GK5: variants seen among roughly 807,000 people sequenced by gnomAD.
The protein encoded by GK5 is glycerol kinase 5, also known as ATP:glycerol 3-phosphotransferase 5.
Under a neutral mutation model 77.3 loss-of-function variants are expected in GK5, and 39 were observed. The observed-to-expected ratio is 0.50, with a 90% CI of 0.39 to 0.66. GK5 has a LOEUF of 0.66. Ranked by LOEUF, GK5 falls within the 30% of genes least tolerant of loss-of-function variation. GK5 has a pLI of 0.00. For missense variants in GK5, 487 were observed against 633.8 expected, an observed-to-expected ratio of 0.77 and a Z score of 2.49; for synonymous variants, 211 against 208.0, an observed-to-expected ratio of 1.01 and a Z score of -0.13.
Position 142,170,425 on chromosome 3 carries a change from G to T in GK5, c.1341C>A (p.Val447=), listed in dbSNP as rs1250307340. ...TAATCAGGTCTGAAGTCATCTGCAT[G>T]ACAAAACCATTCTTACAAACTCCTC... The part of the protein sequence containing the change: ...ADGGVCKNGF[V]MQMTSDLINE... Residue 447 remains valine (V), a synonymous_variant, in exon 15 of 16, where the codon GTC becomes GTA. Coordinates refer to ENST00000392993, the MANE Select transcript of GK5 (RefSeq NM_001039547.3). 6.2e-7 allele frequency: 1 copy of T among 1,613,414 alleles called. No homozygotes were observed. Among genetic ancestry groups the T allele is most frequent in the African/African-American group, 1.3e-5 (1 of 74,922 alleles).
intron 3 of GK5, among the ~76,000 whole-genome samples, chr3:142,211,394 T>C (rs985251649): frequency 7.2e-5 from 11 of 152,232 alleles, no homozygotes; most frequent in African/African-American, 2.7e-4. Flanking sequence ...CTGTATAAGA[T>C]TTATTTAAGA....
At chr3:142,214,127 A>T (rs2064238160) in intron 2 of GK5, among the ~76,000 whole-genome samples, 1 of 152,204 alleles carries the variant, frequency 6.6e-6, no homozygotes, top group Admixed American at 6.5e-5. Context: ...CCCGGCCTTA[A>T]AGGTTGTTTC....
At chr3:142,177,961 CG>C (rs1359843230) in intron 11 of GK5, among the ~76,000 whole-genome samples, 2 of 150,498 alleles carry the variant, frequency 1.3e-5, no homozygotes, top group African/African-American at 4.9e-5. Flanking sequence ...CAGGTTCAAA[CG>C]ATTCTCCTGC....
rs1462870411 is a variant in GK5, at chr3:142,225,562, C to T, written c.-107G>A. On this transcript the variant is annotated 5_prime_UTR_variant, in exon 1 of 16. Transcript: ENST00000392993. ...GCCCAACCCGGGCCCCAACCCGGCT[C>T]AGCCGGAGAGCCTAGAGAGGCCTGG... is the stretch of plus-strand genomic sequence containing the variant. 1.4e-5 allele frequency: 20 copies of T among 1,404,088 alleles called. No individual in the cohort carries two copies. The highest frequency in any genetic ancestry group is 1.8e-5 in the Non-Finnish European group (19 of 1,052,026). 87.0% of individuals were successfully genotyped at this position (1,404,088 alleles called of 1,614,324 possible).
intron 12 of GK5, among the ~76,000 whole-genome samples, chr3:142,175,250 G>T (rs1161821389): frequency 6.6e-6 from 1 of 152,130 alleles, no homozygotes; most frequent in Non-Finnish European, 1.5e-5. Context: ...CCCTGCTAGA[G>T]GAAAGCCATA....
At chr3:142,199,072 TA>T (rs1388920094) in intron 4 of GK5, 139 bp from the exon 5 acceptor site, 3 of 554,372 alleles carry the variant, frequency 5.4e-6, no homozygotes, top group Non-Finnish European at 9.0e-6. Flanking sequence ...ATTAAGAAAA[TA>T]AAAAACAGCA....
chr3:142,222,197 C>T lies in GK5; in HGVS notation c.147+3112G>A, dbSNP rs2064358339. Among the ~76,000 whole-genome samples the T allele has an allele frequency of 3.9e-5, 6 of 152,164 alleles. No individual in the cohort carries two copies. The South Asian group carries it at 1.2e-3, about 32-fold the overall frequency. Reference sequence around the variant, plus strand: ...CCAGGTACTAAGCAGCAATGTAGACCAACAAGATCCTTGTTCCCAAAAAAC... The same window carrying T: ...CCAGGTACTAAGCAGCAATGTAGACTAACAAGATCCTTGTTCCCAAAAAAC... On this transcript the variant is annotated intron_variant, in intron 1 of 15. Coordinates refer to ENST00000392993, the MANE Select transcript of GK5 (RefSeq NM_001039547.3).
chr3:142,172,427 G>C lies in GK5; in HGVS notation c.1173C>G (p.Ala391=). The change falls in exon 13 of 16, where the codon GCC becomes GCG. Residue 391 remains alanine (A), a synonymous_variant. Coordinates refer to ENST00000392993, the MANE Select transcript of GK5 (RefSeq NM_001039547.3). ...TAGAAGGCTTCAAACCCATAAAAGA[G>C]GCACATGCCCAGGGGTCATTTAATG... ...QAPLNDPWAC[A]SFMGLKPSTS... 1 of 1,602,828 alleles carries C rather than the reference G, an allele frequency of 6.2e-7. No homozygotes were observed. The highest frequency in any genetic ancestry group is 8.5e-7 in the Non-Finnish European group (1 of 1,172,154).
chr3:142,183,053 C>G lies in GK5; in HGVS notation c.817-4G>C, dbSNP rs371041399. 42 of 1,613,140 alleles carry G rather than the reference C, an allele frequency of 2.6e-5. No individual in the cohort carries two copies. The African/African-American group carries it at 5.5e-4, about 21-fold the overall frequency. ...TGGCTGATTGCTGGTCAGCAACCTA[C>G]CAAAAATGTTCAAATGTAAACCCAT... On this transcript the variant is annotated splice_polypyrimidine_tract_variant and splice_region_variant and intron_variant, in intron 9 of 15. Coordinates refer to ENST00000392993, the MANE Select transcript of GK5 (RefSeq NM_001039547.3).
intron 9 of GK5, chr3:142,185,638 G>A (rs920439099): frequency 2.4e-5 from 29 of 1,186,848 alleles, no homozygotes; most frequent in Non-Finnish European, 3.0e-5. Context: ...ATACCACTCA[G>A]AATTAAAAAA....
chr3:142,202,393 T>C (rs532700231), intron 4 of GK5, among the ~76,000 whole-genome samples: 1 of 152,272 alleles, frequency 6.6e-6, no homozygotes, highest in East Asian at 1.9e-4. Context: ...CTAATGACAT[T>C]GGTGCCAGTT....
At chr3:142,220,510 C>T (rs1303121513) in intron 1 of GK5, among the ~76,000 whole-genome samples, 1 of 152,196 alleles carries the variant, frequency 6.6e-6, no homozygotes, top group African/African-American at 2.4e-5. Flanking sequence ...GCCAATACCT[C>T]ACTGCCTGCT....
At chr3:142,220,050 A>G (rs1184432082) in intron 1 of GK5, among the ~76,000 whole-genome samples, 2 of 152,238 alleles carry the variant, frequency 1.3e-5, no homozygotes, top group Admixed American at 6.5e-5. Context: ...TGTATCTCCA[A>G]TTCCTCCCAG....
At chr3:142,206,011 T>C (rs2064100791) in intron 3 of GK5, among the ~76,000 whole-genome samples, 1 of 152,226 alleles carries the variant, frequency 6.6e-6, no homozygotes, top group Non-Finnish European at 1.5e-5. Flanking sequence ...ACAATATTTG[T>C]TCTTTTATAT....
rs2063826457 is a variant in GK5, at chr3:142,189,987, A to AT, written c.544-2209_544-2208insA. 3.3e-5 allele frequency among the ~76,000 whole-genome samples: 5 copies of AT among 152,322 alleles called. No homozygotes were observed. The South Asian group carries it at 1.0e-3, about 32-fold the overall frequency. ...ATATGAAGAAACAATAACATGGAAG[A>AT]AAAACAAAAACAGGAAAAAAAGACA... On this transcript the variant is annotated intron_variant, in intron 5 of 15. Coordinates refer to ENST00000392993, the MANE Select transcript of GK5 (RefSeq NM_001039547.3).
chr3:142,198,540 G>A (rs2063969817), intron 5 of GK5, among the ~76,000 whole-genome samples: 1 of 152,142 alleles, frequency 6.6e-6, no homozygotes, highest in African/African-American at 2.4e-5. Flanking sequence ...CTTGAACCTG[G>A]GAGCTGGAGA....
At chr3:142,168,252 T>C (rs1413959008) in intron 15 of GK5, among the ~76,000 whole-genome samples, 6 of 152,172 alleles carry the variant, frequency 3.9e-5, no homozygotes, top group Non-Finnish European at 8.8e-5. Flanking sequence ...AGTTCTAAGT[T>C]TGCTCAATCA....
At chr3:142,186,555 A>G (rs976288818) in intron 6 of GK5, 42 bp from the exon 7 acceptor site, 14 of 878,400 alleles carry the variant, frequency 1.6e-5, no homozygotes, top group African/African-American at 3.4e-5. Flanking sequence ...ATCAGATAGT[A>G]TAAATCAACA....
At chr3:142,195,615 G>GT (rs1293034234) in intron 5 of GK5, among the ~76,000 whole-genome samples, 2 of 152,178 alleles carry the variant, frequency 1.3e-5, no homozygotes, top group East Asian at 3.8e-4. Context: ...GACTCCCAAA[G>GT]TGCTGGGATT....
Sources: gnomAD v4.1 joint callset for allele counts (sites outside exome capture counted in the v4.1 genomes callset) on GRCh38, gnomAD v4.1.1 for gene constraint, MANE v1.5 for transcripts, NCBI Gene and HGNC (gene_info 2026-07-23, HGNC 2026-07-21) for gene names.